MICAL2: variants seen among roughly 807,000 people sequenced by gnomAD.
MICAL2 encodes the protein [F-actin]-monooxygenase MICAL2.
In MICAL2, 77 loss-of-function variants were observed where a neutral mutation model predicts 127.3. That is an observed-to-expected ratio of 0.60 (90% CI 0.50 to 0.73). The LOEUF (loss-of-function observed/expected upper bound fraction) is 0.73. Among genes scored for constraint, MICAL2 ranks in the 30% least tolerant of loss-of-function variants. The pLI is 0.00. For synonymous variants in MICAL2, 570 were observed against 551.1 expected (o/e 1.03, Z -0.48); for missense variants, 1,351 against 1,434.4 (o/e 0.94, Z 0.94).
chr11:12,248,167 C>T lies in MICAL2; in HGVS notation c.2785-1017C>T, dbSNP rs559490401. On this transcript the variant is annotated intron_variant, in intron 21 of 27. Transcript: ENST00000683283. Reference sequence around the variant, plus strand: ...GCTCTGCCTTCAGACTCCACTTGCCCGCCCTCTCAGATTGATATTCCACTT... The same window carrying T: ...GCTCTGCCTTCAGACTCCACTTGCCTGCCCTCTCAGATTGATATTCCACTT... 2.8e-4 allele frequency among the ~76,000 whole-genome samples: 42 copies of T among 152,260 alleles called. 1 individual carries two copies. The South Asian group carries it at 8.1e-3, about 29-fold the overall frequency.
intron 9 of MICAL2, 49 bp from the exon 10 acceptor site, chr11:12,221,595 A>C: frequency 7.6e-7 from 1 of 1,319,482 alleles, no homozygotes; most frequent in Non-Finnish European, 1.1e-6. Context: ...GAGATCATAG[A>C]TCGGGAGTCA....
intron 1 of MICAL2, among the ~76,000 whole-genome samples, chr11:12,133,185 G>A (rs1001612712): frequency 2.0e-5 from 3 of 152,172 alleles, no homozygotes; most frequent in African/African-American, 7.2e-5. Flanking sequence ...GGGTTCAAGC[G>A]GTTCTTGTGC....
chr11:12,353,272 C>G (rs1939080988), intron 33 of MICAL2, among the ~76,000 whole-genome samples: 1 of 152,188 alleles, frequency 6.6e-6, no homozygotes, highest in Non-Finnish European at 1.5e-5. Context: ...TCTCGGCCCT[C>G]ACCCTCTTCA....
intron 27 of MICAL2, 93 bp downstream of exon 27, chr11:12,262,630 C>T (rs1249306294): frequency 9.2e-7 from 1 of 1,087,228 alleles, no homozygotes; most frequent in Non-Finnish European, 1.4e-6. Flanking sequence ...ACTGGTTGCA[C>T]TAACTGTGAG....
downstream of MICAL2, among the ~76,000 whole-genome samples, chr11:12,359,928 A>C (rs189919001): frequency 2.2e-3 from 328 of 152,238 alleles, 1 homozygote; most frequent in African/African-American, 7.7e-3. Context: ...TCCATAAACC[A>C]CTTCTGTCAG....
At chr11:12,281,111 G>A (rs1163107158) in intron 2 of MICAL2, 3 of 398,816 alleles carry the variant, frequency 7.5e-6, no homozygotes, top group Non-Finnish European at 1.3e-5. Flanking sequence ...TAAGCAGAGA[G>A]CCCACCAGGC....
chr11:12,243,535 C>T, intron 20 of MICAL2: 1 of 165,882 alleles, frequency 6.0e-6, no homozygotes, highest in East Asian at 1.6e-4. Context: ...CTTTACACTT[C>T]GTTCATTTTT....
intron 2 of MICAL2, among the ~76,000 whole-genome samples, chr11:12,148,933 C>T (rs988932927): frequency 3.3e-5 from 5 of 152,148 alleles, no homozygotes; most frequent in African/African-American, 9.7e-5. Context: ...TGTTATTATA[C>T]CCATTTTATG....
chr11:12,166,259 G>C (rs1219946699), intron 3 of MICAL2, among the ~76,000 whole-genome samples: 1 of 152,236 alleles, frequency 6.6e-6, no homozygotes, highest in Non-Finnish European at 1.5e-5. Context: ...AAGCTGAAGA[G>C]AGTGGCATTA....
At chr11:12,295,036 G>A (rs1863968104), downstream of MICAL2, among the ~76,000 whole-genome samples, 1 of 152,006 alleles carries the variant, frequency 6.6e-6, no homozygotes, top group Non-Finnish European at 1.5e-5. Context: ...TGAAATTATA[G>A]AAAGTTGAAA....
At chr11:12,330,894 AGAGAGAGTGTGT>A (rs1864416443) in intron 32 of MICAL2, among the ~76,000 whole-genome samples, 2 of 124,218 alleles carry the variant, frequency 1.6e-5, no homozygotes, top group African/African-American at 6.4e-5. Flanking sequence ...AGAGAGAGAG[AGAGAGAGTGTGT>A]GTGTGTGTGT....
At chr11:12,222,403 C>T (rs925891524) in intron 10 of MICAL2, among the ~76,000 whole-genome samples, 1 of 152,212 alleles carries the variant, frequency 6.6e-6, no homozygotes, top group Admixed American at 6.5e-5. Context: ...CCCAGCATCC[C>T]CGTCACCCAG....
chr11:12,136,688 G>C (rs1350181979), intron 1 of MICAL2, among the ~76,000 whole-genome samples: 2 of 152,034 alleles, frequency 1.3e-5, no homozygotes, highest in East Asian at 3.9e-4. Context: ...GTGTTACAGG[G>C]AGCTCAAGTG....
At chr11:12,329,459 C>G (rs1864389538) in intron 32 of MICAL2, among the ~76,000 whole-genome samples, 1 of 152,196 alleles carries the variant, frequency 6.6e-6, no homozygotes. Flanking sequence ...GCCAGCAACA[C>G]AGGCCAAGAG....
chr11:12,337,858 AG>A, intron 32 of MICAL2, among the ~76,000 whole-genome samples: 1 of 152,246 alleles, frequency 6.6e-6, no homozygotes, highest in East Asian at 1.9e-4. Flanking sequence ...TTTGCTGAGG[AG>A]AGCTTTACTT....
intron 2 of MICAL2, among the ~76,000 whole-genome samples, chr11:12,140,686 G>C (rs565321875): frequency 1.3e-5 from 2 of 152,092 alleles, no homozygotes; most frequent in Admixed American, 6.6e-5. Context: ...ACTTTTACTC[G>C]GAGCTTCCTC....
chr11:12,184,676 C>T (rs1476321607), intron 3 of MICAL2, among the ~76,000 whole-genome samples: 1 of 152,158 alleles, frequency 6.6e-6, no homozygotes, highest in Non-Finnish European at 1.5e-5. Context: ...TTAGGAGAAT[C>T]ATTGTTTCAG....
chr11:12,213,298 C>T lies in MICAL2; in HGVS notation c.735C>T (p.Ile245=). ...TCCGTGGGAAGCTGGCGATTGCCAT[C>T]ACCGCCAACTTCATAAACAGAAACA... ...KEFRGKLAIA[I]TANFINRNST... Residue 245 remains isoleucine, a synonymous_variant, in exon 7 of 28, where the codon ATC becomes ATT. Transcript: ENST00000683283. 4 of 1,613,296 alleles carry T rather than the reference C, an allele frequency of 2.5e-6. No individual in the cohort carries two copies. The highest frequency in any genetic ancestry group is 3.4e-6 in the Non-Finnish European group (4 of 1,179,318).
intron 33 of MICAL2, among the ~76,000 whole-genome samples, chr11:12,351,294 A>C (rs562010977): frequency 1.3e-5 from 2 of 152,322 alleles, no homozygotes; most frequent in East Asian, 3.9e-4. Context: ...CCTTAGGGGC[A>C]AGGCTGTTAT....
Sources: gnomAD v4.1 joint callset for allele counts (sites outside exome capture counted in the v4.1 genomes callset) on GRCh38, gnomAD v4.1.1 for gene constraint, MANE v1.5 for transcripts, NCBI Gene and HGNC (gene_info 2026-07-23, HGNC 2026-07-21) for gene names.